NCOA1: variants seen among roughly 807,000 people sequenced by gnomAD.
NCOA1 encodes nuclear receptor coactivator 1.
NCOA1 carries 35 observed loss-of-function variants against 150.9 expected under a neutral mutation model. The observed-to-expected ratio is 0.23, with a 90% CI of 0.18 to 0.31. NCOA1 has a LOEUF of 0.31. NCOA1 is among the 10% of genes least tolerant of loss of function. The pLI, the probability that NCOA1 is intolerant of heterozygous loss-of-function variation, is 1.00. For synonymous variants in NCOA1, 590 were observed against 630.0 expected (o/e 0.94, Z 0.95); for missense variants, 1,491 against 1,749.3 (o/e 0.85, Z 2.63).
intron 1 of NCOA1, among the ~76,000 whole-genome samples, chr2:24,497,105 A>G (rs1318479826): frequency 6.6e-6 from 1 of 152,182 alleles, no homozygotes; most frequent in South Asian, 2.1e-4. Context: ...TGAGGAAACA[A>G]GGCTCAGGGA....
intron 3 of NCOA1, among the ~76,000 whole-genome samples, chr2:24,597,676 C>A (rs1364074586): frequency 6.6e-6 from 1 of 152,146 alleles, no homozygotes; most frequent in Admixed American, 6.5e-5. Flanking sequence ...TGGGCAACCT[C>A]AGTCTTTTTC....
At chr2:24,621,993 C>T (rs1286469329) in intron 3 of NCOA1, among the ~76,000 whole-genome samples, 2 of 152,182 alleles carry the variant, frequency 1.3e-5, no homozygotes, top group African/African-American at 4.8e-5. Context: ...CATGTTTTGA[C>T]ATGTTAACTG....
chr2:24,540,707 C>T (rs1665356163), intron 1 of NCOA1, among the ~76,000 whole-genome samples: 2 of 152,176 alleles, frequency 1.3e-5, no homozygotes, highest in Admixed American at 6.5e-5. Flanking sequence ...GATCCGCCTG[C>T]CTCAGCCTCC....
At chr2:24,694,184 C>T (rs1333306603) in intron 10 of NCOA1, among the ~76,000 whole-genome samples, 3 of 152,162 alleles carry the variant, frequency 2.0e-5, no homozygotes, top group Non-Finnish European at 4.4e-5. Flanking sequence ...AGGCCTACTT[C>T]AGATTTTATT....
At chr2:24,560,113 G>A (rs1209865197) in intron 1 of NCOA1, among the ~76,000 whole-genome samples, 1 of 152,144 alleles carries the variant, frequency 6.6e-6, no homozygotes, top group Non-Finnish European at 1.5e-5. Context: ...ACCTGGTCAA[G>A]GCACGTGGAA....
intron 8 of NCOA1, among the ~76,000 whole-genome samples, chr2:24,683,989 T>A (rs1672290708): frequency 6.6e-6 from 1 of 152,246 alleles, no homozygotes; most frequent in Non-Finnish European, 1.5e-5. Flanking sequence ...CAGATAAATT[T>A]ACCACACATC....
chr2:24,543,619 C>G (rs1012749693), intron 1 of NCOA1, among the ~76,000 whole-genome samples: 3 of 151,984 alleles, frequency 2.0e-5, no homozygotes, highest in Admixed American at 2.0e-4. Flanking sequence ...AGAACAGGAG[C>G]ACTTAACCTA....
chr2:24,683,166 T>C lies in NCOA1; in HGVS notation c.532+38T>C, dbSNP rs139452950. The stretch of plus-strand genomic sequence containing the variant: ...GTGTTTTTAAAAAGAATACTAGCTC[T>C]CTGTATCTTCTCCTTATATAATATG... On this transcript the variant is annotated intron_variant, in intron 8 of 22. Coordinates refer to ENST00000348332, the MANE Select transcript of NCOA1 (RefSeq NM_003743.5). 1,000 of 1,316,980 alleles carry C rather than the reference T, an allele frequency of 7.6e-4. 2 individuals carry two copies. Among genetic ancestry groups the C allele is most frequent in the Middle Eastern group, 5.5e-3 (29 of 5,276 alleles). 81.6% of individuals were successfully genotyped at this position (1,316,980 alleles called of 1,614,324 possible).
At chr2:24,747,816 A>T (rs1281174933) in intron 19 of NCOA1, among the ~76,000 whole-genome samples, 1 of 152,198 alleles carries the variant, frequency 6.6e-6, no homozygotes, top group African/African-American at 2.4e-5. Flanking sequence ...AAATGAAAAA[A>T]AAAATGGATG....
chr2:24,492,932 TCTC>T (rs1460097165), intron 1 of NCOA1, among the ~76,000 whole-genome samples: 4 of 149,938 alleles, frequency 2.7e-5, no homozygotes, highest in South Asian at 2.1e-4. Context: ...TTGAGGTTTG[TCTC>T]CTCTTCTGGA....
intron 2 of NCOA1, among the ~76,000 whole-genome samples, chr2:24,570,631 G>A (rs965528753): frequency 1.3e-5 from 2 of 152,142 alleles, no homozygotes; most frequent in African/African-American, 2.4e-5. Context: ...CTAACTGCAC[G>A]GGCAGAAACG....
At chr2:24,733,866 A>G (rs1663149199) in intron 17 of NCOA1, among the ~76,000 whole-genome samples, 1 of 151,768 alleles carries the variant, frequency 6.6e-6, no homozygotes, top group African/African-American at 2.4e-5. Flanking sequence ...ATTAATGGCA[A>G]TTCTTTTTAC....
At chr2:24,576,170 G>GTTTTTTTTTTTTTTTT (rs869093026) in intron 2 of NCOA1, among the ~76,000 whole-genome samples, 2 of 46,318 alleles carry the variant, frequency 4.3e-5, no homozygotes, top group Non-Finnish European at 9.3e-5. Flanking sequence ...TTTGTTTTTT[G>GTTTTTTTTTTTTTTTT]TTTTTTTTTT....
chr2:24,706,076 A>G (rs932443515), intron 12 of NCOA1, among the ~76,000 whole-genome samples: 1 of 152,140 alleles, frequency 6.6e-6, no homozygotes, highest in Non-Finnish European at 1.5e-5. Context: ...TACATCAGTG[A>G]CACAGTATTT....
Position 24,726,645 on chromosome 2 carries a change from G to A in NCOA1, c.2656G>A (p.Gly886Ser), listed in dbSNP as rs925419625. 1.9e-6 allele frequency: 3 copies of A among 1,611,188 alleles called. No individual in the cohort carries two copies. In the South Asian group the frequency reaches 3.3e-5, roughly 18 times the overall value. Residue 886 changes from glycine (G) to serine (S), a missense_variant, in exon 15 of 23, where the codon GGC (glycine) becomes AGC (serine). Physicochemically the swap from Gly to Ser is moderately conservative, Grantham distance 56. Transcript: ENST00000348332. ...TAACCAATTTGGACAACCAGGAACA[G>A]GCGATCAGATTCCATGGACAAATAA... ...IDNQFGQPGT[G>S]DQIPWTNNTV... is the part of the protein sequence containing the mutation.
At chr2:24,741,593 C>G (rs1572668943) in intron 18 of NCOA1, among the ~76,000 whole-genome samples, 191 bp from the exon 19 acceptor site, 1 of 152,236 alleles carries the variant, frequency 6.6e-6, no homozygotes, top group South Asian at 2.1e-4. Context: ...GTAAAATATA[C>G]TTAATTCATT....
At chr2:24,581,595 G>C (rs146294630) in intron 2 of NCOA1, among the ~76,000 whole-genome samples, 1,765 of 152,256 alleles carry the variant, frequency 0.012, 16 homozygotes, top group Non-Finnish European at 0.016. Context: ...GTTTTGGGGG[G>C]AGTCTGGGCC....
intron 6 of NCOA1, among the ~76,000 whole-genome samples, chr2:24,666,565 T>C (rs2148507406): frequency 6.6e-6 from 1 of 151,854 alleles, no homozygotes. Context: ...GGACAGTAAC[T>C]CCATGAAGAG....
rs186462143 is a variant in NCOA1 at position 24,763,100 on chromosome 2, C to A, written c.4155+324C>A. Among the ~76,000 whole-genome samples, 271 of 152,216 alleles carry A rather than the reference C, an allele frequency of 1.8e-3. 4 individuals carry two copies. The highest frequency in any genetic ancestry group is 3.2e-4 in the Non-Finnish European group (22 of 68,018). On this transcript the variant is annotated intron_variant, in intron 22 of 22. Transcript: ENST00000348332. ...TGTTATTTTGTAAATAAGCACAGTG[C>A]TAAAAACTCATCTGTAATCAAAATA...
Sources: allele counts gnomAD v4.1 joint callset (sites outside exome capture counted in the v4.1 genomes callset), GRCh38; gene constraint gnomAD v4.1.1; transcripts MANE v1.5; gene names NCBI Gene and HGNC (gene_info 2026-07-23, HGNC 2026-07-21).